VWA3B: variants seen among roughly 807,000 people sequenced by gnomAD.
VWA3B encodes von Willebrand factor A domain-containing protein 3B.
A neutral mutation model predicts 158.3 loss-of-function variants in VWA3B; 138 were observed. That is an observed-to-expected ratio of 0.87 (90% CI 0.76 to 1.00). The LOEUF (loss-of-function observed/expected upper bound fraction) is 1.00. Ranked by LOEUF, VWA3B falls within the 50% of genes least tolerant of loss-of-function variation. The pLI, the probability that VWA3B is intolerant of heterozygous loss-of-function variation, is 0.00. For synonymous variants in VWA3B, 596 were observed against 587.3 expected, an observed-to-expected ratio of 1.01 and a Z score of -0.21; for missense variants, 1,555 against 1,565.1, an observed-to-expected ratio of 0.99 and a Z score of 0.11.
intron 12 of VWA3B, among the ~76,000 whole-genome samples, chr2:98,211,364 G>A (rs1683491398): frequency 6.6e-6 from 1 of 152,156 alleles, no homozygotes; most frequent in South Asian, 2.1e-4. Context: ...AAATTAATAT[G>A]TATCTAAAAA....
At chr2:98,179,706 T>C (rs1308236949) in intron 8 of VWA3B, among the ~76,000 whole-genome samples, 1 of 152,078 alleles carries the variant, frequency 6.6e-6, no homozygotes, top group Non-Finnish European at 1.5e-5. Flanking sequence ...TCTTTTTCTT[T>C]CTTTCTTCTT....
At chr2:98,201,796 G>A (rs1372069967) in intron 12 of VWA3B, among the ~76,000 whole-genome samples, 1 of 152,126 alleles carries the variant, frequency 6.6e-6, no homozygotes, top group Non-Finnish European at 1.5e-5. Context: ...CAGATCTGTT[G>A]TCTGTTAATA....
At chr2:98,252,500 G>A (rs1426367790) in intron 20 of VWA3B, among the ~76,000 whole-genome samples, 1 of 152,156 alleles carries the variant, frequency 6.6e-6, no homozygotes, top group Admixed American at 6.5e-5. Context: ...GTTCGCGGGG[G>A]TTTCCTGCTT....
intron 12 of VWA3B, among the ~76,000 whole-genome samples, chr2:98,197,045 G>A (rs930772957): frequency 1.5e-4 from 23 of 152,082 alleles, no homozygotes; most frequent in African/African-American, 5.1e-4. Context: ...TTCCTTTTAT[G>A]TTCCAAGATC....
intron 7 of VWA3B, among the ~76,000 whole-genome samples, chr2:98,144,122 A>C (rs1175084887): frequency 6.6e-6 from 1 of 152,156 alleles, no homozygotes; most frequent in Non-Finnish European, 1.5e-5. Context: ...AATATATATT[A>C]ATACATGTAT....
rs745355441 is a variant in VWA3B, at chr2:98,303,837, A to G, written c.3521+35A>G. The stretch of plus-strand genomic sequence containing the variant: ...CTCAACTTTTATCTCTTGAATATTA[A>G]TTTATATCCTTGCACCTTTAATCTG... On this transcript the variant is annotated intron_variant, in intron 26 of 27. Coordinates refer to ENST00000477737, the MANE Select transcript of VWA3B (RefSeq NM_144992.5). 6 of 1,590,962 alleles carry G rather than the reference A, an allele frequency of 3.8e-6. No homozygotes were observed. In the South Asian group the frequency reaches 4.4e-5, roughly 12 times the overall value.
intron 19 of VWA3B, among the ~76,000 whole-genome samples, chr2:98,243,248 A>C (rs1002073537): frequency 1.3e-5 from 2 of 152,168 alleles, no homozygotes; most frequent in Non-Finnish European, 2.9e-5. Context: ...TTAAATGCTC[A>C]GCCTTTTAAT....
At chr2:98,114,360 C>T (rs1472447243) in intron 2 of VWA3B, among the ~76,000 whole-genome samples, 1 of 152,202 alleles carries the variant, frequency 6.6e-6, no homozygotes, top group African/African-American at 2.4e-5. Flanking sequence ...ATATTGGAAA[C>T]ACAAATTTTA....
intron 7 of VWA3B, among the ~76,000 whole-genome samples, chr2:98,151,409 AGGGTATATTC>A (rs1677623829): frequency 6.6e-6 from 1 of 152,152 alleles, no homozygotes; most frequent in African/African-American, 2.4e-5. Flanking sequence ...CCAGCAATCC[AGGGTATATTC>A]GTATTGTGGT....
intron 2 of VWA3B, among the ~76,000 whole-genome samples, chr2:98,093,871 C>T (rs1682530416): frequency 6.6e-6 from 1 of 152,144 alleles, no homozygotes; most frequent in South Asian, 2.1e-4. Context: ...TTTAAAATTC[C>T]ACATGAGTGA....
At chr2:98,298,423 TATTCTATTCTATTCTATTCTATGCC>T (rs1689961893) in intron 24 of VWA3B, among the ~76,000 whole-genome samples, 1 of 148,860 alleles carries the variant, frequency 6.7e-6, no homozygotes, top group Non-Finnish European at 1.5e-5. Context: ...TATTCTATTC[TATTCTATTCTATTCTATTCTATGCC>T]ATGCCATGCC....
intron 26 of VWA3B, among the ~76,000 whole-genome samples, chr2:98,304,069 C>T (rs558278641): frequency 2.6e-5 from 4 of 152,246 alleles, no homozygotes; most frequent in African/African-American, 9.6e-5. Flanking sequence ...GAATTGTTCC[C>T]CTTTTATTTG....
At position 98,166,799 on chromosome 2, in the gene VWA3B, T is replaced by TACAC. The variant is rs58860649; in HGVS notation, c.1114+3846_1114+3849dup. 9.9e-4 allele frequency among the ~76,000 whole-genome samples: 145 copies of TACAC among 145,934 alleles called. No homozygotes were observed. In the East Asian group the frequency reaches 0.011, roughly 11 times the overall value. On this transcript the variant is annotated intron_variant, in intron 8 of 27. Coordinates refer to ENST00000477737, the MANE Select transcript of VWA3B (RefSeq NM_144992.5). ...ATCAGTTCCCTTTGTTTTAATCTAA[T>TACAC]ACACACACACACACACACACACACA...
chr2:98,290,092 C>G (rs1441356597), intron 22 of VWA3B, among the ~76,000 whole-genome samples: 2 of 152,138 alleles, frequency 1.3e-5, no homozygotes, highest in African/African-American at 2.4e-5. Context: ...CTACCTGAGA[C>G]TGGGTAATTT....
intron 5 of VWA3B, among the ~76,000 whole-genome samples, chr2:98,127,603 G>T (rs1009024220): frequency 8.8e-6 from 1 of 113,398 alleles, no homozygotes; most frequent in Non-Finnish European, 1.9e-5. Context: ...CGGGGGGGGG[G>T]GGGGTGTGTC....
intron 7 of VWA3B, among the ~76,000 whole-genome samples, chr2:98,154,199 A>G (rs772020178): frequency 1.3e-5 from 2 of 152,186 alleles, no homozygotes; most frequent in Non-Finnish European, 2.9e-5. Context: ...CCCTCTGGTT[A>G]GTTAACAAGC....
At position 98,270,775 on chromosome 2, in the gene VWA3B, G is replaced by A. The variant is rs775026489; in HGVS notation, c.2937G>A (p.Glu979=). 2.7e-5 allele frequency: 44 copies of A among 1,614,024 alleles called. No homozygotes were observed. Among genetic ancestry groups the A allele is most frequent in the Non-Finnish European group, 3.6e-5 (43 of 1,179,990 alleles). ...TGAATTGGCCCATTTCACTGAAAGAGCTGTCGATGCTGGAAAGTGAAATCC... is the reference window on the plus strand; with the variant it reads ...TGAATTGGCCCATTTCACTGAAAGAACTGTCGATGCTGGAAAGTGAAATCC... The part of the protein sequence containing the change: ...ERLNWPISLK[E]LSMLESEILA... Residue 979 remains glutamate, a synonymous_variant, in exon 22 of 28, where the codon GAG becomes GAA. Transcript: ENST00000477737.
chr2:98,146,247 T>A (rs767547434), intron 7 of VWA3B, among the ~76,000 whole-genome samples: 18 of 152,204 alleles, frequency 1.2e-4, no homozygotes, highest in Non-Finnish European at 1.5e-4. Flanking sequence ...TTTACTGCTC[T>A]TTTCCGCATA....
intron 14 of VWA3B, among the ~76,000 whole-genome samples, chr2:98,224,753 T>TAAAA (rs35784294): frequency 6.8e-6 from 1 of 146,294 alleles, no homozygotes; most frequent in African/African-American, 2.5e-5. Flanking sequence ...CAGTGTGAAT[T>TAAAA]AAAAAAAAAA....
Sources: gnomAD v4.1 joint callset for allele counts (sites outside exome capture counted in the v4.1 genomes callset) on GRCh38, gnomAD v4.1.1 for gene constraint, MANE v1.5 for transcripts, NCBI Gene and HGNC (gene_info 2026-07-23, HGNC 2026-07-21) for gene names.